OLFM2: variants seen among roughly 807,000 people sequenced by gnomAD.
The protein encoded by OLFM2 is noelin-2.
OLFM2 carries 20 observed loss-of-function variants against 43.9 expected under a neutral mutation model. The ratio of observed to expected loss-of-function variants is 0.46; its 90% CI spans 0.32 to 0.66. OLFM2 has a LOEUF of 0.66. Ranked by LOEUF, OLFM2 falls within the 30% of genes least tolerant of loss-of-function variation. The pLI is 0.04. For missense variants in OLFM2, 416 were observed against 643.6 expected, an observed-to-expected ratio of 0.65 and a Z score of 3.83; for synonymous variants, 268 against 278.6, an observed-to-expected ratio of 0.96 and a Z score of 0.38.
Position 9,856,248 on chromosome 19 carries a change from A to C in OLFM2, c.687+559T>G, listed in dbSNP as rs2046316643. On this transcript the variant is annotated intron_variant, in intron 5 of 5. Transcript: ENST00000264833. This position sits in a 1 kb window ranked among gnomAD's most constrained non-coding sequence, Gnocchi z 4.0. ...CGAGTAGCTGGGATTACAGGCATGC[A>C]CCACCATGTCCGGCTAATTTTGTAT... is the stretch of plus-strand genomic sequence containing the variant. 6.6e-6 allele frequency among the ~76,000 whole-genome samples: 1 copy of C among 152,050 alleles called. No homozygotes were observed. Among genetic ancestry groups the C allele is most frequent in the South Asian group, 2.1e-4 (1 of 4,826 alleles).
intron 1 of OLFM2, among the ~76,000 whole-genome samples, chr19:9,929,963 C>T (rs996207283): frequency 6.6e-6 from 1 of 152,108 alleles, no homozygotes; most frequent in African/African-American, 2.4e-5. Context: ...CACTTGAACC[C>T]AGGAGGCAGA....
intron 1 of OLFM2, among the ~76,000 whole-genome samples, chr19:9,905,881 T>A (rs981060345): frequency 6.6e-6 from 1 of 152,172 alleles, no homozygotes; most frequent in Non-Finnish European, 1.5e-5. Context: ...TCCTCATATG[T>A]GCTCCACAAG....
chr19:9,897,602 G>T (rs2046697671), intron 1 of OLFM2, among the ~76,000 whole-genome samples: 1 of 152,174 alleles, frequency 6.6e-6, no homozygotes. Flanking sequence ...ACTTGGCCTG[G>T]CATTTGAGGC....
chr19:9,895,335 A>AT (rs897316783), intron 1 of OLFM2, among the ~76,000 whole-genome samples: 1 of 151,394 alleles, frequency 6.6e-6, no homozygotes, highest in Admixed American at 6.6e-5. Context: ...CAAAAAAAAA[A>AT]TTTTTTTTTA....
intron 1 of OLFM2, chr19:9,913,573 C>T: frequency 7.8e-7 from 1 of 1,283,154 alleles, no homozygotes; most frequent in Non-Finnish European, 1.0e-6. Flanking sequence ...TGACCATGGC[C>T]ATGGTGCTCA....
chr19:9,934,201 G>A (rs2086501908), intron 1 of OLFM2, among the ~76,000 whole-genome samples: 1 of 152,280 alleles, frequency 6.6e-6, no homozygotes. Flanking sequence ...CAGGCTTGGT[G>A]GGCCAACGCC....
chr19:9,864,396 G>A (rs1029501123), intron 1 of OLFM2, among the ~76,000 whole-genome samples: 19 of 152,260 alleles, frequency 1.2e-4, no homozygotes, highest in African/African-American at 3.9e-4. Context: ...CACCTCCTGG[G>A]TTCAAGCGAT....
intron 1 of OLFM2, among the ~76,000 whole-genome samples, chr19:9,901,882 G>A (rs562453308): frequency 1.3e-5 from 2 of 152,204 alleles, no homozygotes; most frequent in Non-Finnish European, 2.9e-5. Context: ...TTGTGCATTA[G>A]AGGATATGTA....
At chr19:9,879,295 G>A (rs1357475777) in intron 1 of OLFM2, among the ~76,000 whole-genome samples, 1 of 152,070 alleles carries the variant, frequency 6.6e-6, no homozygotes, top group Non-Finnish European at 1.5e-5. Context: ...ACCACGCCTG[G>A]CTAATTTTGT....
intron 1 of OLFM2, among the ~76,000 whole-genome samples, chr19:9,877,192 T>C (rs2046496706): frequency 7.1e-6 from 1 of 141,542 alleles, no homozygotes; most frequent in Non-Finnish European, 1.5e-5. Flanking sequence ...ATGGTGCCAC[T>C]GCACTCCAGC....
chr19:9,907,725 C>T (rs957407476), intron 1 of OLFM2, among the ~76,000 whole-genome samples: 4 of 151,850 alleles, frequency 2.6e-5, no homozygotes, highest in African/African-American at 4.8e-5. Flanking sequence ...AGATATAGGC[C>T]GGGCATGGTG....
chr19:9,860,822 G>T (rs1306567310), intron 1 of OLFM2, 28 bp from the exon 2 acceptor site: 1 of 1,587,994 alleles, frequency 6.3e-7, no homozygotes, highest in South Asian at 1.1e-5. Flanking sequence ...TCAGAGACCG[G>T]AATCCCAGTG....
At chr19:9,917,910 G>A (rs1289867083) in intron 1 of OLFM2, among the ~76,000 whole-genome samples, 4 of 152,018 alleles carry the variant, frequency 2.6e-5, no homozygotes, top group Non-Finnish European at 4.4e-5. Context: ...ATGGAGTCTC[G>A]CTCTGTTGCC....
At chr19:9,874,363 C>T (rs1389828249) in intron 1 of OLFM2, among the ~76,000 whole-genome samples, 1 of 135,680 alleles carries the variant, frequency 7.4e-6, no homozygotes, top group African/African-American at 2.7e-5. Context: ...ATGGGGGTCT[C>T]ACTATGTTGC....
intron 1 of OLFM2, among the ~76,000 whole-genome samples, chr19:9,870,883 A>T (rs902086629): frequency 6.6e-6 from 1 of 151,672 alleles, no homozygotes; most frequent in African/African-American, 2.4e-5. Flanking sequence ...CAAAATAAAT[A>T]AATAAATAGC....
At chr19:9,910,879 G>T (rs1017798947) in intron 1 of OLFM2, among the ~76,000 whole-genome samples, 14 of 152,182 alleles carry the variant, frequency 9.2e-5, no homozygotes, top group African/African-American at 3.1e-4. Flanking sequence ...ATGAGTGAAT[G>T]GATGGAGAGA....
chr19:9,913,319 G>A (rs1213145424), intron 1 of OLFM2, among the ~76,000 whole-genome samples: 1 of 152,144 alleles, frequency 6.6e-6, no homozygotes, highest in Non-Finnish European at 1.5e-5. Flanking sequence ...GTCCGACCCT[G>A]GAACCCCGAG....
At position 9,907,594 on chromosome 19, in the gene OLFM2, C is replaced by G. The variant is rs544331683; in HGVS notation, c.63+28710G>C. Among the ~76,000 whole-genome samples, 97 of 152,310 alleles carry G rather than the reference C, an allele frequency of 6.4e-4. 1 individual carries two copies. The highest frequency in any genetic ancestry group is 2.3e-3 in the East Asian group (12 of 5,190). ...TAGAAGCCTCTGCCGTCCAAGAATT[C>G]TAGTCTGTTTCCCAGGGTCCCCGTC... On this transcript the variant is annotated intron_variant, in intron 1 of 5. Transcript: ENST00000264833.
At chr19:9,865,617 A>G in intron 1 of OLFM2, among the ~76,000 whole-genome samples, 1 of 140,674 alleles carries the variant, frequency 7.1e-6, no homozygotes. Context: ...TCAGCCTCCC[A>G]AGTAGCTGGG....
Sources: allele counts gnomAD v4.1 joint callset (sites outside exome capture counted in the v4.1 genomes callset), GRCh38; gene constraint gnomAD v4.1.1; non-coding constraint Gnocchi (gnomAD v3.1); transcripts MANE v1.5; gene names NCBI Gene and HGNC (gene_info 2026-07-23, HGNC 2026-07-21).